Variants in MLLT6 observed in about 807,000 individuals in gnomAD.
MLLT6 encodes the protein protein AF-17.
In MLLT6, 22 loss-of-function variants were observed where a neutral mutation model predicts 103.0. The observed-to-expected ratio is 0.21, with a 90% CI of 0.15 to 0.31. The LOEUF is 0.31. Among genes scored for constraint, MLLT6 ranks in the 10% least tolerant of loss-of-function variants. MLLT6 has a pLI of 1.00. For missense variants in MLLT6, 1,199 were observed against 1,441.7 expected, an observed-to-expected ratio of 0.83 and a Z score of 2.73; for synonymous variants, 606 against 623.5, an observed-to-expected ratio of 0.97 and a Z score of 0.42.
intron 13 of MLLT6, 48 bp from the exon 14 acceptor site, chr17:38,719,702 A>T: frequency 6.3e-7 from 1 of 1,590,286 alleles, no homozygotes; most frequent in Non-Finnish European, 8.6e-7. Context: ...GGGCCAGAGG[A>T]GCCTGGAGTG....
chr17:38,722,350 A>G, intron 17 of MLLT6, 123 bp downstream of exon 17: 1 of 754,420 alleles, frequency 1.3e-6, no homozygotes, highest in Admixed American at 3.5e-5. Flanking sequence ...CTCACAGGGT[A>G]TATAATCCTA....
In MLLT6 at chr17:38,717,479, C is replaced by T. The variant is rs199854170; in HGVS notation, c.1699C>T (p.Leu567=). The T allele has an allele frequency of 3.7e-5, 59 of 1,612,016 alleles. No individual in the cohort carries two copies. Among genetic ancestry groups the T allele is most frequent in the Non-Finnish European group, 4.6e-5 (54 of 1,179,308 alleles). The change falls in exon 11 of 20, where the codon CTG becomes TTG. Residue 567 remains leucine, a synonymous_variant. Transcript: ENST00000621332. ...KDPISHSGGM[L]RAVCSTPLSS... ...CCCCATCTCCCACAGTGGCGGGATG[C>T]TGCGGGCTGTCTGCAGCACCCCTCT...
chr17:38,717,093 G>C, intron 10 of MLLT6, 112 bp downstream of exon 10: 1 of 1,447,972 alleles, frequency 6.9e-7, no homozygotes, highest in Non-Finnish European at 9.2e-7. Flanking sequence ...CCAAAAGATA[G>C]AGCACGGAGG....
At chr17:38,708,931 A>G in intron 4 of MLLT6, 1 of 495,556 alleles carries the variant, frequency 2.0e-6, no homozygotes, top group Non-Finnish European at 3.5e-6. Flanking sequence ...ACAATTAAAT[A>G]CAGTTTAGAA....
chr17:38,719,956 C>A, intron 14 of MLLT6, 61 bp downstream of exon 14: 1 of 1,490,692 alleles, frequency 6.7e-7, no homozygotes. Flanking sequence ...CACCTTTCTC[C>A]CCGAGGTCCC....
rs1384466206 is a variant in MLLT6, at chr17:38,729,431, C to T, written c.*3833C>T. 1 of 233,454 alleles carries T rather than the reference C, an allele frequency of 4.3e-6. No homozygotes were observed. The highest frequency in any genetic ancestry group is 8.5e-6 in the Non-Finnish European group (1 of 118,032). 14.5% of individuals were successfully genotyped at this position (233,454 alleles called of 1,614,324 possible). A position where few individuals can be genotyped will look rare whatever the true frequency, so the allele number is the denominator to read the frequency against. On this transcript the variant is annotated 3_prime_UTR_variant, in exon 20 of 20. Transcript: ENST00000621332. ...CTGAAAAGTTGGGAACTGAGGGGTG[C>T]CTTCATTCCCCTTTGTTCACTTTCT...
At chr17:38,706,910 G>A (rs369913352) in intron 1 of MLLT6, 40 bp from the exon 2 acceptor site, 20 of 1,562,164 alleles carry the variant, frequency 1.3e-5, no homozygotes, top group Admixed American at 6.9e-5. Context: ...AAAGCCACTG[G>A]CTGACAGCTT....
rs949110716 is a variant in MLLT6 at position 38,712,131 on chromosome 17, C to T, written c.720+117C>T. 1.2e-5 allele frequency: 17 copies of T among 1,370,688 alleles called. No individual in the cohort carries two copies. In the Admixed American group the frequency reaches 1.4e-4, roughly 11 times the overall value. The allele number at this position is 1,370,688 out of a possible 1,614,324, so 84.9% of individuals were successfully genotyped here. On this transcript the variant is annotated intron_variant, in intron 7 of 19. Coordinates refer to ENST00000621332, the MANE Select transcript of MLLT6 (RefSeq NM_005937.4). ...GGTCTTGGCCCTGCCTTCTTCCTTC[C>T]TCTGAGGCCACTGAGGGCAGGAGGG... is the stretch of plus-strand genomic sequence containing the variant.
chr17:38,709,337 C>T lies in MLLT6; in HGVS notation c.458+61C>T. On this transcript the variant is annotated intron_variant, in intron 5 of 19. Coordinates refer to ENST00000621332, the MANE Select transcript of MLLT6 (RefSeq NM_005937.4). The surrounding 1 kb of genome is among the most constrained non-coding windows in gnomAD (Gnocchi z 4.3). ...TTGTCCTGGATGGCCACTGATCAGG[C>T]TCATCCTAGCTGCTGTCCCTTTGAT... 6.9e-7 allele frequency: 1 copy of T among 1,442,780 alleles called. No individual in the cohort carries two copies. The highest frequency in any genetic ancestry group is 2.3e-5 in the East Asian group (1 of 44,116). 89.4% of individuals were successfully genotyped at this position (1,442,780 alleles called of 1,614,324 possible). A position where few individuals can be genotyped will look rare whatever the true frequency, so the allele number is the denominator to read the frequency against.
At chr17:38,717,820 A>T in intron 11 of MLLT6, 25 bp from the exon 12 acceptor site, 3 of 1,566,098 alleles carry the variant, frequency 1.9e-6, no homozygotes, top group Non-Finnish European at 1.8e-6. Context: ...AATAACCGCC[A>T]GGGGATTCTA....
rs1456818952 is a variant in MLLT6 at position 38,725,572 on chromosome 17, G to A, written c.3256G>A (p.Ala1086Thr). The change falls in exon 20 of 20, where the codon GCC becomes ACC. Residue 1086 changes from alanine (A) to threonine (T), a missense_variant. Transcript: ENST00000621332. ...GPKGGTADKG[A>T]SANQEKG ...CTCTTTCCAGACCGCTGACAAAGGA[G>A]CCTCAGCCAACCAGGAAAAAGGCTA... 5.6e-6 allele frequency: 9 copies of A among 1,602,210 alleles called. No individual in the cohort carries two copies. In the South Asian group the frequency reaches 8.9e-5, roughly 16 times the overall value.
intron 14 of MLLT6, 142 bp from the exon 15 acceptor site, chr17:38,720,227 TCTC>T: frequency 2.4e-6 from 2 of 834,980 alleles, no homozygotes; most frequent in African/African-American, 1.7e-5. Context: ...CCGCCTCTCT[TCTC>T]AGAGCTCACC....
In MLLT6 at chr17:38,725,927, G is replaced by A. The variant is rs918797445; in HGVS notation, c.*329G>A. ...AGAGTGGGCCATGGCAGAAGTAGGG[G>A]GTTGGTTGGACCTGTCACATGAAAT... On this transcript the variant is annotated 3_prime_UTR_variant, in exon 20 of 20. Coordinates refer to ENST00000621332, the MANE Select transcript of MLLT6 (RefSeq NM_005937.4). The A allele has an allele frequency of 2.7e-6, 1 of 376,144 alleles. No homozygotes were observed. The highest frequency in any genetic ancestry group is 2.1e-5 in the African/African-American group (1 of 48,036). 23.3% of individuals were successfully genotyped at this position (376,144 alleles called of 1,614,324 possible). A position where few individuals can be genotyped will look rare whatever the true frequency, so the allele number is the denominator to read the frequency against.
chr17:38,719,912 C>T lies in MLLT6; in HGVS notation c.2155+17C>T. On this transcript the variant is annotated intron_variant, in intron 14 of 19. Coordinates refer to ENST00000621332, the MANE Select transcript of MLLT6 (RefSeq NM_005937.4). ...GCGTCAACAGTGAGGAGGGGTGGCGCCGGTCGGGACGCCTGCCCTAGGGCC... is the reference window on the plus strand; with the variant it reads ...GCGTCAACAGTGAGGAGGGGTGGCGTCGGTCGGGACGCCTGCCCTAGGGCC... The T allele has an allele frequency of 6.4e-7, 1 of 1,556,012 alleles. No homozygotes were observed. The highest frequency in any genetic ancestry group is 1.2e-5 in the South Asian group (1 of 84,646).
intron 18 of MLLT6, among the ~76,000 whole-genome samples, chr17:38,723,582 G>A (rs747548699): frequency 9.9e-5 from 15 of 152,184 alleles, no homozygotes; most frequent in Non-Finnish European, 1.6e-4. Flanking sequence ...CTGGCTGCCT[G>A]TAGGGACCAG....
Position 38,719,750 on chromosome 17 carries a change from G to T in MLLT6, c.2010G>T (p.Met670Ile). ...GAACCCAGGTTCCCTCTGGCCGCAG[G>T]TCCCCCATCAGCAGCCTCCCCGCAC... is the stretch of plus-strand genomic sequence containing the variant. ...GTSPQESLSS[M>I]SPISSLPALF... Residue 670 changes from methionine to isoleucine, a missense_variant and splice_region_variant, in exon 14 of 20, where the codon ATG becomes ATT. By Grantham distance (10) the Met-to-Ile change is conservative. Coordinates refer to ENST00000621332, the MANE Select transcript of MLLT6 (RefSeq NM_005937.4). The T allele has an allele frequency of 6.2e-7, 1 of 1,607,704 alleles. No individual in the cohort carries two copies.
intron 12 of MLLT6, 63 bp from the exon 13 acceptor site, chr17:38,719,454 G>T: frequency 7.2e-7 from 1 of 1,396,384 alleles, no homozygotes. Flanking sequence ...ATCCATCTGG[G>T]GGCGGGGACC....
Position 38,709,966 on chromosome 17 carries a change from C to T in MLLT6, c.552+391C>T, listed in dbSNP as rs1597990733. On this transcript the variant is annotated intron_variant, in intron 6 of 19. Transcript: ENST00000621332. This position sits in a 1 kb window ranked among gnomAD's most constrained non-coding sequence, Gnocchi z 4.3. ...GTGTTATTTTGTGTGGTCCCCCCAC[C>T]AACCCTAAGAACTAGGTGTGCTATA... 6.6e-6 allele frequency among the ~76,000 whole-genome samples: 1 copy of T among 152,196 alleles called. No homozygotes were observed. The highest frequency in any genetic ancestry group is 1.5e-5 in the Non-Finnish European group (1 of 68,044).
rs1905983273 is a variant in MLLT6 at position 38,725,612 on chromosome 17, C to G, written c.*14C>G. 1 of 1,573,608 alleles carries G rather than the reference C, an allele frequency of 6.4e-7. No homozygotes were observed. Among genetic ancestry groups the G allele is most frequent in the Non-Finnish European group, 8.6e-7 (1 of 1,166,172 alleles). ...GAAAAAGGCTAAATCCACCCTTACC[C>G]CTCCTGACCCCCCCAAGTGGAGGGA... On this transcript the variant is annotated 3_prime_UTR_variant, in exon 20 of 20. Transcript: ENST00000621332.
Sources: allele counts gnomAD v4.1 joint callset (sites outside exome capture counted in the v4.1 genomes callset), GRCh38; gene constraint gnomAD v4.1.1; non-coding constraint Gnocchi (gnomAD v3.1); transcripts MANE v1.5; gene names NCBI Gene and HGNC (gene_info 2026-07-23, HGNC 2026-07-21).